Variants in LINGO2 observed in about 807,000 individuals in gnomAD.
LINGO2 encodes leucine-rich repeat and immunoglobulin-like domain-containing nogo receptor-interacting protein 2.
In LINGO2, 14 loss-of-function variants were observed where a neutral mutation model predicts 30.6. The observed-to-expected ratio is 0.46, with a 90% CI of 0.30 to 0.72. The LOEUF (loss-of-function observed/expected upper bound fraction) is 0.72. Ranked by LOEUF, LINGO2 falls within the 30% of genes least tolerant of loss-of-function variation. The pLI is 0.07. For synonymous variants in LINGO2, 317 were observed against 288.5 expected, an observed-to-expected ratio of 1.10 and a Z score of -1.00; for missense variants, 729 against 751.7, an observed-to-expected ratio of 0.97 and a Z score of 0.35.
At chr9:28,226,801 G>A (rs1341865653) in intron 4 of LINGO2, among the ~76,000 whole-genome samples, 1 of 152,052 alleles carries the variant, frequency 6.6e-6, no homozygotes, top group Non-Finnish European at 1.5e-5. Context: ...GTCCTTCCAG[G>A]GCTGAAAGAA....
intron 1 of LINGO2, among the ~76,000 whole-genome samples, chr9:28,542,596 G>C (rs1374912387): frequency 6.6e-6 from 1 of 152,132 alleles, no homozygotes; most frequent in East Asian, 1.9e-4. Flanking sequence ...TGAGGCCTAA[G>C]AAGAAAATTT....
At chr9:28,594,168 ATAT>A (rs1825062209) in intron 1 of LINGO2, among the ~76,000 whole-genome samples, 1 of 152,126 alleles carries the variant, frequency 6.6e-6, no homozygotes, top group African/African-American at 2.4e-5. Context: ...TCTAAACTAC[ATAT>A]TATTTAAAAG....
intron 5 of LINGO2, among the ~76,000 whole-genome samples, chr9:27,981,570 G>GAAAAAAAAAGA (rs1554649013): frequency 5.0e-4 from 51 of 101,408 alleles, no homozygotes; most frequent in Non-Finnish European, 7.5e-4. Context: ...GAAAAAAAAA[G>GAAAAAAAAAGA]AAAAAAAAAA....
intron 4 of LINGO2, among the ~76,000 whole-genome samples, chr9:28,061,070 C>T (rs1318474228): frequency 1.3e-5 from 2 of 151,738 alleles, no homozygotes; most frequent in African/African-American, 2.4e-5. Context: ...TTGATACAAT[C>T]GTCATACTCA....
At chr9:28,488,209 G>A (rs1587741612) in intron 1 of LINGO2, among the ~76,000 whole-genome samples, 1 of 152,182 alleles carries the variant, frequency 6.6e-6, no homozygotes, top group Non-Finnish European at 1.5e-5. Flanking sequence ...GATTCTTAAG[G>A]TTTCTGTGCT....
chr9:27,981,906 A>G (rs1820896822), intron 5 of LINGO2, among the ~76,000 whole-genome samples: 1 of 151,876 alleles, frequency 6.6e-6, no homozygotes, highest in South Asian at 2.1e-4. Flanking sequence ...TCCAAGCAAC[A>G]TGTACCAGGT....
chr9:28,479,639 T>C (rs1326692031), intron 1 of LINGO2, among the ~76,000 whole-genome samples: 2 of 151,684 alleles, frequency 1.3e-5, no homozygotes, highest in African/African-American at 4.8e-5. Flanking sequence ...ATGTCTGACA[T>C]ATTTTTCATT....
At chr9:29,038,129 T>A in the LINGO2 span, among the ~76,000 whole-genome samples, 1 of 152,150 alleles carries the variant, frequency 6.6e-6, no homozygotes, top group Admixed American at 6.5e-5. Flanking sequence ...CTCTCTTGGG[T>A]ATATAACTAA....
chr9:28,302,245 A>G (rs2134212829), intron 3 of LINGO2, among the ~76,000 whole-genome samples: 1 of 152,318 alleles, frequency 6.6e-6, no homozygotes, highest in South Asian at 2.1e-4. Context: ...ATGGAGGGTA[A>G]GTGGTCTCAC....
intron 1 of LINGO2, among the ~76,000 whole-genome samples, chr9:28,530,102 C>T (rs371256011): frequency 1.3e-5 from 2 of 151,766 alleles, no homozygotes; most frequent in Admixed American, 6.6e-5. Context: ...CCTAAAATAA[C>T]CTTTGAAAGA....
intron 2 of LINGO2, among the ~76,000 whole-genome samples, chr9:28,456,392 A>C (rs377450163): frequency 6.6e-6 from 1 of 152,156 alleles, no homozygotes; most frequent in African/African-American, 2.4e-5. Flanking sequence ...CATTCTCTCT[A>C]TGTCTTCTAA....
the LINGO2 span, among the ~76,000 whole-genome samples, chr9:28,942,701 G>A: frequency 6.6e-6 from 1 of 152,102 alleles, no homozygotes; most frequent in Admixed American, 6.6e-5. Context: ...GAAGTTTTAT[G>A]CTATTACTGT....
chr9:28,649,870 G>A (rs1414898562), intron 1 of LINGO2, among the ~76,000 whole-genome samples: 1 of 152,074 alleles, frequency 6.6e-6, no homozygotes, highest in African/African-American at 2.4e-5. Flanking sequence ...AGTGCAGAAA[G>A]GCTGAACAGC....
the LINGO2 span, among the ~76,000 whole-genome samples, chr9:28,714,188 T>TATATAC: frequency 4.6e-3 from 340 of 73,348 alleles, 3 homozygotes; most frequent in African/African-American, 0.011. Flanking sequence ...TATATATATA[T>TATATAC]ACACACATAC....
At chr9:28,769,152 C>T in the LINGO2 span, among the ~76,000 whole-genome samples, 2 of 151,514 alleles carry the variant, frequency 1.3e-5, no homozygotes, top group African/African-American at 4.8e-5. Flanking sequence ...TCTGCATTGT[C>T]AAAATATATA....
intron 1 of LINGO2, among the ~76,000 whole-genome samples, chr9:28,532,541 T>C (rs1821273446): frequency 6.6e-6 from 1 of 152,044 alleles, no homozygotes; most frequent in Non-Finnish European, 1.5e-5. Flanking sequence ...GCCCTGGGAT[T>C]GAGGGTACTT....
At chr9:27,976,367 C>T (rs1820594869) in intron 5 of LINGO2, among the ~76,000 whole-genome samples, 2 of 151,998 alleles carry the variant, frequency 1.3e-5, no homozygotes, top group Admixed American at 6.6e-5. Context: ...CTGATGAACT[C>T]CTGTGTTCTA....
At chr9:29,041,714 TAGA>T in the LINGO2 span, among the ~76,000 whole-genome samples, 1 of 152,036 alleles carries the variant, frequency 6.6e-6, no homozygotes, top group African/African-American at 2.4e-5. Flanking sequence ...AGCAAAAACA[TAGA>T]AGAACATCTT....
chr9:28,132,860 T>TA (rs749291968), intron 4 of LINGO2, among the ~76,000 whole-genome samples: 1 of 152,254 alleles, frequency 6.6e-6, no homozygotes, highest in Non-Finnish European at 1.5e-5. Context: ...AGTGGGCACT[T>TA]ACGTGAATAG....
Sources: allele counts gnomAD v4.1 joint callset (sites outside exome capture counted in the v4.1 genomes callset), GRCh38; gene constraint gnomAD v4.1.1; transcripts MANE v1.5; gene names NCBI Gene and HGNC (gene_info 2026-07-23, HGNC 2026-07-21).